CNR2: variants seen among roughly 807,000 people sequenced by gnomAD.
CNR2 encodes cannabinoid receptor 2, also known as cannabinoid receptor 2 (macrophage).
For synonymous variants in CNR2, 172 were observed against 182.2 expected, an observed-to-expected ratio of 0.94 and a Z score of 0.45; for missense variants, 379 against 439.9, an observed-to-expected ratio of 0.86 and a Z score of 1.24.
intron 1 of CNR2, chr1:23,902,171 C>A (rs1214397757): frequency 4.3e-6 from 6 of 1,403,260 alleles, no homozygotes; most frequent in African/African-American, 1.4e-5. Flanking sequence ...TCTGCCTTGG[C>A]CCAGTTCAGG....
At chr1:23,895,581 A>C (rs968037558) in intron 1 of CNR2, among the ~76,000 whole-genome samples, 1 of 152,002 alleles carries the variant, frequency 6.6e-6, no homozygotes, top group Non-Finnish European at 1.5e-5. Context: ...ATCTCAGCTC[A>C]CTGCAACCTC....
chr1:23,894,525 AG>A (rs1640245018), intron 1 of CNR2, among the ~76,000 whole-genome samples: 1 of 136,346 alleles, frequency 7.3e-6, no homozygotes, highest in South Asian at 2.4e-4. Context: ...AAAGTTGGCC[AG>A]GCACAGTGGC....
chr1:23,910,075 A>G (rs1028042530), intron 1 of CNR2, among the ~76,000 whole-genome samples: 7 of 150,368 alleles, frequency 4.7e-5, no homozygotes, highest in Non-Finnish European at 1.0e-4. Flanking sequence ...CAGCCCCCTG[A>G]GTAGCTGGGA....
intron 1 of CNR2, among the ~76,000 whole-genome samples, chr1:23,882,024 C>T (rs1028785263): frequency 2.0e-5 from 3 of 151,238 alleles, no homozygotes; most frequent in Non-Finnish European, 2.9e-5. Flanking sequence ...CAGGTTCAAG[C>T]GATTCTCCTG....
At chr1:23,889,490 A>T (rs1640150607) in intron 1 of CNR2, among the ~76,000 whole-genome samples, 1 of 151,858 alleles carries the variant, frequency 6.6e-6, no homozygotes, top group Non-Finnish European at 1.5e-5. Context: ...TCTTTCTTTG[A>T]TTTCTATTAA....
At chr1:23,892,654 G>A (rs1167836171) in intron 1 of CNR2, among the ~76,000 whole-genome samples, 2 of 152,154 alleles carry the variant, frequency 1.3e-5, no homozygotes, top group Non-Finnish European at 2.9e-5. Flanking sequence ...CCTTTTAGTG[G>A]TTTCTAATGC....
At chr1:23,900,313 T>A (rs1640376683) in intron 1 of CNR2, among the ~76,000 whole-genome samples, 1 of 152,064 alleles carries the variant, frequency 6.6e-6, no homozygotes, top group African/African-American at 2.4e-5. Context: ...GGAGACTGAT[T>A]TGAGTAATAA....
intron 1 of CNR2, among the ~76,000 whole-genome samples, chr1:23,894,431 A>T (rs74480553): frequency 1.7e-4 from 1 of 5,802 alleles, no homozygotes; most frequent in African/African-American, 6.0e-4. Flanking sequence ...CAAAAAAAAA[A>T]AATTTTTTTA....
intron 1 of CNR2, among the ~76,000 whole-genome samples, chr1:23,904,340 A>T (rs543151242): frequency 1.3e-5 from 2 of 151,712 alleles, no homozygotes; most frequent in South Asian, 2.1e-4. Context: ...TGCCCAGCCA[A>T]TTTTTTTGTA....
Position 23,874,438 on chromosome 1 carries a change from C to A in CNR2, c.*97G>T. On this transcript the variant is annotated 3_prime_UTR_variant, in exon 2 of 2. Coordinates refer to ENST00000374472, the MANE Select transcript of CNR2 (RefSeq NM_001841.3). ...GGGGTCCGTGTCTAGGTGTCTGGGA[C>A]TGGTTTAAGTAAGAAGAGAGTGCCA... 7.4e-7 allele frequency: 1 copy of A among 1,347,162 alleles called. No individual in the cohort carries two copies. The highest frequency in any genetic ancestry group is 1.4e-5 in the South Asian group (1 of 72,166). 83.5% of individuals were successfully genotyped at this position (1,347,162 alleles called of 1,614,324 possible). A position where few individuals can be genotyped will look rare whatever the true frequency, so the allele number is the denominator to read the frequency against.
intron 1 of CNR2, among the ~76,000 whole-genome samples, chr1:23,910,307 C>CA (rs2148472709): frequency 6.6e-6 from 1 of 151,680 alleles, no homozygotes; most frequent in African/African-American, 2.4e-5. Flanking sequence ...TCTCACCTTG[C>CA]AAATGTGGTT....
chr1:23,891,833 G>C (rs1248257708), intron 1 of CNR2, among the ~76,000 whole-genome samples: 1 of 152,018 alleles, frequency 6.6e-6, no homozygotes, highest in African/African-American at 2.4e-5. Flanking sequence ...TCTGGGAGTG[G>C]AGTCATCTTT....
At position 23,874,401 on chromosome 1, in the gene CNR2, C is replaced by A. The variant is rs137935661; in HGVS notation, c.*134G>T. The A allele has an allele frequency of 2.8e-4, 274 of 989,936 alleles. 3 individuals are homozygous for A. The East Asian group carries it at 6.1e-3, about 22-fold the overall frequency. 61.3% of individuals were successfully genotyped at this position (989,936 alleles called of 1,614,324 possible). A position where few individuals can be genotyped will look rare whatever the true frequency, so the allele number is the denominator to read the frequency against. On this transcript the variant is annotated 3_prime_UTR_variant, in exon 2 of 2. Coordinates refer to ENST00000374472, the MANE Select transcript of CNR2 (RefSeq NM_001841.3). Reference sequence around the variant, plus strand: ...TCTTCCAGGAGTCAGTCCCAACACTCATCAGCAAAAAGGGGTCCGTGTCTA... The same window carrying A: ...TCTTCCAGGAGTCAGTCCCAACACTAATCAGCAAAAAGGGGTCCGTGTCTA...
At chr1:23,886,600 A>T (rs770097528) in intron 1 of CNR2, among the ~76,000 whole-genome samples, 24 of 152,234 alleles carry the variant, frequency 1.6e-4, no homozygotes, top group Non-Finnish European at 3.1e-4. Flanking sequence ...TTCTACATGG[A>T]GTAAGCCATA....
chr1:23,874,605 G>A lies in CNR2; in HGVS notation c.1013C>T (p.Thr338Ile), dbSNP rs199612016. The A allele has an allele frequency of 1.9e-5, 30 of 1,614,018 alleles. No individual in the cohort carries two copies. In the African/African-American group the frequency reaches 3.1e-4, roughly 17 times the overall value. ...GATTTTCCCATCAGCCTCTGTCTCGGTGACTGAGGATCTCGGGGCTTCTTC... is the reference window on the plus strand; with the variant it reads ...GATTTTCCCATCAGCCTCTGTCTCGATGACTGAGGATCTCGGGGCTTCTTC... ...AKEEAPRSSV[T>I]ETEADGKITP... Residue 338 changes from threonine (T) to isoleucine (I), a missense_variant, in exon 2 of 2, where the codon ACC (threonine) becomes ATC (isoleucine). By Grantham distance (89) the Thr-to-Ile change is moderately conservative. Coordinates refer to ENST00000374472, the MANE Select transcript of CNR2 (RefSeq NM_001841.3).
At position 23,872,542 on chromosome 1, in the gene CNR2, G is replaced by T. The variant is rs905401991; in HGVS notation, c.*1993C>A. 1 of 152,038 alleles carries T rather than the reference G, an allele frequency of 6.6e-6. No homozygotes were observed. Among genetic ancestry groups the T allele is most frequent in the African/African-American group, 2.4e-5 (1 of 41,390 alleles). 9.4% of individuals were successfully genotyped at this position (152,038 alleles called of 1,614,324 possible). On this transcript the variant is annotated 3_prime_UTR_variant, in exon 2 of 2. Transcript: ENST00000374472. ...AGAATTTGACTGAACTAGGACAAAA[G>T]GTTAGTGGTTAAGAGGGCAGGCTTT...
chr1:23,880,824 A>C (rs1639971884), intron 1 of CNR2, among the ~76,000 whole-genome samples: 1 of 150,782 alleles, frequency 6.6e-6, no homozygotes, highest in African/African-American at 2.4e-5. Flanking sequence ...TGCTGGGATC[A>C]CAGATGTGAG....
chr1:23,874,558 C>A lies in CNR2; in HGVS notation c.1060G>T (p.Asp354Tyr). ...CATCAGCAATCAGAGAGGTCTAGATCTCTGGAATCTGGCCACGGAGTGATT... is the reference window on the plus strand; with the variant it reads ...CATCAGCAATCAGAGAGGTCTAGATATCTGGAATCTGGCCACGGAGTGATT... ...GKITPWPDSR[D>Y]LDLSDC Residue 354 changes from aspartate to tyrosine, a missense_variant, in exon 2 of 2, where the codon GAT becomes TAT. Physicochemically the swap from Asp to Tyr is radical, Grantham distance 160. Coordinates refer to ENST00000374472, the MANE Select transcript of CNR2 (RefSeq NM_001841.3). The A allele has an allele frequency of 6.2e-7, 1 of 1,613,928 alleles. No individual in the cohort carries two copies. The highest frequency in any genetic ancestry group is 2.2e-5 in the East Asian group (1 of 44,876).
chr1:23,902,796 C>CGGGCGCGG (rs960136490), intron 1 of CNR2: 2 of 1,427,212 alleles, frequency 1.4e-6, no homozygotes, highest in Non-Finnish European at 1.8e-6. Flanking sequence ...TGCGCGGGCG[C>CGGGCGCGG]GGGCGCGGGG....
Sources: gnomAD v4.1 joint callset for allele counts (sites outside exome capture counted in the v4.1 genomes callset) on GRCh38, gnomAD v4.1.1 for gene constraint, MANE v1.5 for transcripts, NCBI Gene and HGNC (gene_info 2026-07-23, HGNC 2026-07-21) for gene names.